LPIN2: variants seen among roughly 807,000 people sequenced by gnomAD.
LPIN2 encodes phosphatidate phosphatase LPIN2.
Under a neutral mutation model 111.4 loss-of-function variants are expected in LPIN2, and 55 were observed. That is an observed-to-expected ratio of 0.49 (90% CI 0.40 to 0.62). The LOEUF (loss-of-function observed/expected upper bound fraction) is 0.62, where lower values mean the gene tolerates loss of function less well. Among genes scored for constraint, LPIN2 ranks in the 20% least tolerant of loss-of-function variants. The probability of loss-of-function intolerance (pLI) is 0.00; values close to 1 mark genes in which losing one functional copy is unlikely to be tolerated. For synonymous variants in LPIN2, 425 were observed against 414.0 expected, an observed-to-expected ratio of 1.03 and a Z score of -0.32; for missense variants, 992 against 1,112.1, an observed-to-expected ratio of 0.89 and a Z score of 1.54.
chr18:2,926,838 AT>A (rs770385292), intron 12 of LPIN2, 33 bp from the exon 13 acceptor site: 5 of 1,573,894 alleles, frequency 3.2e-6, no homozygotes, highest in African/African-American at 1.3e-5. Flanking sequence ...GCAACATGCA[AT>A]TTTTTCCCTA....
intron 19 of LPIN2, 146 bp downstream of exon 19, chr18:2,920,632 A>C: frequency 1.2e-6 from 1 of 801,640 alleles, no homozygotes; most frequent in Non-Finnish European, 2.1e-6. Context: ...AGATATTGTG[A>C]AAGAGAGATA....
At chr18:2,939,685 A>G in intron 5 of LPIN2, 82 bp from the exon 6 acceptor site, 2 of 1,473,710 alleles carry the variant, frequency 1.4e-6, no homozygotes, top group Non-Finnish European at 9.3e-7. Context: ...TAAAAGAAAC[A>G]AATCTGAATA....
At chr18:3,004,162 A>G (rs900648166) in intron 1 of LPIN2, among the ~76,000 whole-genome samples, 24 of 152,188 alleles carry the variant, frequency 1.6e-4, no homozygotes, top group Admixed American at 2.0e-4. Flanking sequence ...TATCAAGACA[A>G]TATGTGCACA....
rs982192044 is a variant in LPIN2 at position 2,919,283 on chromosome 18, T to C, written c.*1010A>G. The C allele has an allele frequency of 6.6e-6, 1 of 152,108 alleles. No homozygotes were observed. The highest frequency in any genetic ancestry group is 1.5e-5 in the Non-Finnish European group (1 of 68,026). 9.4% of individuals were successfully genotyped at this position (152,108 alleles called of 1,614,324 possible). ...TGCTTCCACGGGCCCGATTACAGGG[T>C]GTGATCCCAAAAGCCAAAGTCACAC... On this transcript the variant is annotated 3_prime_UTR_variant, in exon 20 of 20. Coordinates refer to ENST00000677752, the MANE Select transcript of LPIN2 (RefSeq NM_001375808.2).
chr18:2,947,113 C>G (rs1046770686), intron 4 of LPIN2, among the ~76,000 whole-genome samples: 19 of 152,202 alleles, frequency 1.2e-4, no homozygotes, highest in African/African-American at 3.9e-4. Flanking sequence ...CTTAGGCTCC[C>G]TGGATTTAGC....
intron 6 of LPIN2, 47 bp downstream of exon 6, chr18:2,939,433 T>C (rs762789978): frequency 6.2e-7 from 1 of 1,610,518 alleles, no homozygotes. Flanking sequence ...AATTCGTCAC[T>C]TGTTTAATCA....
chr18:2,983,743 G>A (rs1019281548), intron 1 of LPIN2, among the ~76,000 whole-genome samples: 2 of 151,666 alleles, frequency 1.3e-5, no homozygotes, highest in African/African-American at 2.4e-5. Context: ...ATGTTTAAAG[G>A]ATATTTTGGA....
At chr18:2,972,004 G>T (rs939848105) in intron 1 of LPIN2, among the ~76,000 whole-genome samples, 1 of 152,028 alleles carries the variant, frequency 6.6e-6, no homozygotes, top group Non-Finnish European at 1.5e-5. Flanking sequence ...CCAAGATCGC[G>T]CCACTGCATT....
chr18:2,926,010 T>TGTCCCACACCTGTA (rs1432005563), intron 13 of LPIN2, among the ~76,000 whole-genome samples: 1 of 152,160 alleles, frequency 6.6e-6, no homozygotes, highest in East Asian at 1.9e-4. Flanking sequence ...CCAGGCATGG[T>TGTCCCACACCTGTA]GTCCCACACC....
chr18:2,924,654 T>C, intron 14 of LPIN2, 108 bp from the exon 15 acceptor site: 2 of 1,200,124 alleles, frequency 1.7e-6, no homozygotes, highest in Non-Finnish European at 1.2e-6. Context: ...AGAGGCAGGA[T>C]GGTTTCCGGG....
intron 1 of LPIN2, among the ~76,000 whole-genome samples, chr18:2,969,018 G>T (rs946690363): frequency 2.0e-5 from 3 of 152,090 alleles, no homozygotes; most frequent in African/African-American, 7.2e-5. Context: ...TTAGAGATAT[G>T]GAAATAAAAA....
At chr18:3,002,939 G>A (rs779401215) in intron 1 of LPIN2, among the ~76,000 whole-genome samples, 6 of 152,210 alleles carry the variant, frequency 3.9e-5, no homozygotes, top group Non-Finnish European at 7.3e-5. Context: ...CAAGAGGAAT[G>A]TTCATTCATT....
intron 1 of LPIN2, among the ~76,000 whole-genome samples, chr18:2,989,425 T>C (rs979039170): frequency 4.6e-5 from 7 of 151,964 alleles, no homozygotes; most frequent in Admixed American, 1.3e-4. Flanking sequence ...TAGAAAGACA[T>C]CCGTGTTCGT....
At position 2,925,207 on chromosome 18, in the gene LPIN2, G is replaced by A; in HGVS notation, c.1938+17C>T. 6.2e-7 allele frequency: 1 copy of A among 1,614,144 alleles called. No individual in the cohort carries two copies. Among genetic ancestry groups the A allele is most frequent in the Non-Finnish European group, 8.5e-7 (1 of 1,179,966 alleles). On this transcript the variant is annotated intron_variant, in intron 14 of 19. Transcript: ENST00000677752. The surrounding 1 kb of genome is among the most constrained non-coding windows in gnomAD (Gnocchi z 4.1). ...AAAATAAGTCCTACTGGACAACACA[G>A]ATCATGCAAGACTCACGATCTGGTC...
At position 2,921,790 on chromosome 18, in the gene LPIN2, C is replaced by A. The variant is rs1044775312; in HGVS notation, c.2328-143G>T. 46 of 775,680 alleles carry A rather than the reference C, an allele frequency of 5.9e-5. No individual in the cohort carries two copies. The East Asian group carries it at 1.1e-3, about 19-fold the overall frequency. 48.0% of individuals were successfully genotyped at this position (775,680 alleles called of 1,614,324 possible). A position where few individuals can be genotyped will look rare whatever the true frequency, so the allele number is the denominator to read the frequency against. ...TCTTTCCTTCTCCTTCTTTGCCAGT[C>A]TGATAACTAAGAAAATTTGAGTGAT... On this transcript the variant is annotated intron_variant, in intron 17 of 19. Coordinates refer to ENST00000677752, the MANE Select transcript of LPIN2 (RefSeq NM_001375808.2).
At chr18:2,922,288 C>CT (rs1237234037) in intron 16 of LPIN2, 89 bp from the exon 17 acceptor site, 7,459 of 1,287,386 alleles carry the variant, frequency 5.8e-3, no homozygotes, top group East Asian at 0.01. Flanking sequence ...ACTTTTCTTT[C>CT]TTTTTTTTTT....
intron 1 of LPIN2, among the ~76,000 whole-genome samples, chr18:2,986,490 T>G (rs1483487633): frequency 2.6e-5 from 4 of 151,418 alleles, no homozygotes; most frequent in Non-Finnish European, 5.9e-5. Flanking sequence ...GACTTGTCAT[T>G]TATCTTTAAA....
chr18:2,968,964 G>A (rs1027356310), intron 1 of LPIN2, among the ~76,000 whole-genome samples: 1 of 152,200 alleles, frequency 6.6e-6, no homozygotes, highest in African/African-American at 2.4e-5. Context: ...CACACACAGG[G>A]AGCTGAGAAT....
chr18:2,991,165 G>GT, intron 1 of LPIN2: 1 of 301,266 alleles, frequency 3.3e-6, no homozygotes, highest in Admixed American at 3.9e-5. Flanking sequence ...GACTCTGGGT[G>GT]TTTTCTTATC....
Sources: gnomAD v4.1 joint callset for allele counts (sites outside exome capture counted in the v4.1 genomes callset) on GRCh38, gnomAD v4.1.1 for gene constraint, Gnocchi (gnomAD v3.1) non-coding constraint, MANE v1.5 for transcripts, NCBI Gene and HGNC (gene_info 2026-07-23, HGNC 2026-07-21) for gene names.